The following EPC1 variants were observed in gnomAD, a reference collection of about 807,000 sequenced individuals.
The protein encoded by EPC1 is enhancer of polycomb homolog 1.
In EPC1, 12 loss-of-function variants were observed where a neutral mutation model predicts 98.4. That is an observed-to-expected ratio of 0.12 (90% CI 0.08 to 0.20). EPC1 has a LOEUF of 0.20. EPC1 is among the 10% of genes least tolerant of loss of function. EPC1 has a pLI of 1.00. For missense variants in EPC1, 729 were observed against 990.5 expected (o/e 0.74, Z 3.54); for synonymous variants, 357 against 363.9 (o/e 0.98, Z 0.21).
intron 1 of EPC1, among the ~76,000 whole-genome samples, chr10:32,353,692 G>A (rs1376396195): frequency 6.6e-6 from 1 of 152,138 alleles, no homozygotes; most frequent in African/African-American, 2.4e-5. Flanking sequence ...GTATTTAATT[G>A]GGAAAATGTG....
intron 11 of EPC1, chr10:32,272,375 A>G: frequency 2.0e-6 from 1 of 489,528 alleles, no homozygotes; most frequent in East Asian, 3.3e-5. Context: ...TCTAAGTTAT[A>G]AATTTTGCTT....
intron 1 of EPC1, among the ~76,000 whole-genome samples, chr10:32,364,201 A>ATGGGGTTTTG (rs374628039): frequency 6.7e-6 from 1 of 150,054 alleles, no homozygotes; most frequent in Non-Finnish European, 1.5e-5. Context: ...TTTAGTAGAG[A>ATGGGGTTTTG]CTTTTAGTAG....
intron 1 of EPC1, among the ~76,000 whole-genome samples, chr10:32,341,077 T>C (rs911296725): frequency 6.6e-6 from 1 of 152,228 alleles, no homozygotes; most frequent in East Asian, 1.9e-4. Context: ...AATTACAATA[T>C]AAAATTCTCA....
chr10:32,327,315 C>T (rs1041111308), intron 1 of EPC1, among the ~76,000 whole-genome samples: 5 of 151,984 alleles, frequency 3.3e-5, no homozygotes, highest in African/African-American at 9.7e-5. Flanking sequence ...TCAGGAGGGA[C>T]GGGAAACAGG....
At chr10:32,343,725 G>A (rs1014056035) in intron 1 of EPC1, among the ~76,000 whole-genome samples, 1 of 148,348 alleles carries the variant, frequency 6.7e-6, no homozygotes, top group African/African-American at 2.5e-5. Flanking sequence ...TCTACTTAAA[G>A]TTGTTTCTTA....
At chr10:32,307,971 ATCTG>A (rs1835971387) in intron 1 of EPC1, among the ~76,000 whole-genome samples, 1 of 152,172 alleles carries the variant, frequency 6.6e-6, no homozygotes, top group Admixed American at 6.5e-5. Context: ...ACTGTTGCAA[ATCTG>A]TCTTACTCCT....
intron 2 of EPC1, among the ~76,000 whole-genome samples, chr10:32,296,906 CA>C (rs879816360): frequency 0.026 from 3,416 of 129,320 alleles, 39 homozygotes; most frequent in Non-Finnish European, 0.036. Context: ...GACTCCATCT[CA>C]AAAAAAAAAA....
chr10:32,313,746 C>T (rs1023055116), intron 1 of EPC1, among the ~76,000 whole-genome samples: 17 of 151,930 alleles, frequency 1.1e-4, no homozygotes, highest in African/African-American at 3.6e-4. Context: ...ATTAGCTGGG[C>T]GTGGTGGCGG....
At chr10:32,321,756 G>A (rs1224565959) in intron 1 of EPC1, among the ~76,000 whole-genome samples, 1 of 151,960 alleles carries the variant, frequency 6.6e-6, no homozygotes, top group Non-Finnish European at 1.5e-5. Flanking sequence ...TTGGACTGAG[G>A]TCTGACTCCA....
chr10:32,341,600 C>T (rs1020750028), intron 1 of EPC1, among the ~76,000 whole-genome samples: 1 of 152,154 alleles, frequency 6.6e-6, no homozygotes, highest in Non-Finnish European at 1.5e-5. Context: ...TCATGAAAAG[C>T]ACCCACAAAA....
chr10:32,304,657 T>C (rs898887517), intron 2 of EPC1, among the ~76,000 whole-genome samples: 1 of 152,164 alleles, frequency 6.6e-6, no homozygotes, highest in Non-Finnish European at 1.5e-5. Context: ...CAGTGGCTCA[T>C]GCCTGTAATC....
chr10:32,309,800 TA>T (rs1409682441), intron 1 of EPC1, among the ~76,000 whole-genome samples: 3 of 150,450 alleles, frequency 2.0e-5, no homozygotes, highest in African/African-American at 4.9e-5. Context: ...GTTTCTCATT[TA>T]TTTTTTTCAA....
chr10:32,353,429 G>A (rs938060927), intron 1 of EPC1, among the ~76,000 whole-genome samples: 2 of 152,166 alleles, frequency 1.3e-5, no homozygotes, highest in Non-Finnish European at 2.9e-5. Context: ...AGCCAGGCAG[G>A]AAAGAATGAC....
At chr10:32,337,736 C>T (rs959835695) in intron 1 of EPC1, among the ~76,000 whole-genome samples, 18 of 152,180 alleles carry the variant, frequency 1.2e-4, no homozygotes, top group Non-Finnish European at 2.5e-4. Context: ...TTCTCTCTTT[C>T]ATAGCAGAGC....
intron 1 of EPC1, among the ~76,000 whole-genome samples, chr10:32,329,364 C>G (rs1309569794): frequency 3.3e-5 from 5 of 152,210 alleles, no homozygotes; most frequent in African/African-American, 1.2e-4. Context: ...ATGCTAAAAA[C>G]AGAACTTTGT....
chr10:32,348,685 T>C (rs1157716318), upstream of EPC1, among the ~76,000 whole-genome samples: 2 of 152,200 alleles, frequency 1.3e-5, no homozygotes, highest in Non-Finnish European at 2.9e-5. Flanking sequence ...TCAATGAGTA[T>C]TGAGGGTGTG....
chr10:32,332,391 G>C (rs554830059), intron 1 of EPC1, among the ~76,000 whole-genome samples: 1 of 152,304 alleles, frequency 6.6e-6, no homozygotes, highest in East Asian at 1.9e-4. Flanking sequence ...AGGATGACTG[G>C]TGTTCATACC....
chr10:32,364,241 C>A (rs1839533878), intron 1 of EPC1, among the ~76,000 whole-genome samples: 1 of 141,578 alleles, frequency 7.1e-6, no homozygotes, highest in South Asian at 2.3e-4. Flanking sequence ...ACCATGTTGG[C>A]CAGGCCGGTC....
chr10:32,316,296 T>C (rs1490195677), intron 1 of EPC1, among the ~76,000 whole-genome samples: 1 of 152,164 alleles, frequency 6.6e-6, no homozygotes, highest in African/African-American at 2.4e-5. Flanking sequence ...ACACAATCCA[T>C]AGCCCGGCAA....
Sources: allele counts gnomAD v4.1 joint callset (sites outside exome capture counted in the v4.1 genomes callset), GRCh38; gene constraint gnomAD v4.1.1; transcripts MANE v1.5; gene names NCBI Gene and HGNC (gene_info 2026-07-23, HGNC 2026-07-21).